Variants in ZNF334 observed in about 807,000 individuals in gnomAD.
ZNF334 encodes the protein zinc finger protein 334.
Under a neutral mutation model 12.4 loss-of-function variants are expected in ZNF334, and 14 were observed. The ratio of observed to expected loss-of-function variants is 1.13; its 90% CI spans 0.74 to 1.76. ZNF334 has a LOEUF of 1.76. ZNF334 is among the 40% of genes most tolerant of loss of function. The probability of loss-of-function intolerance (pLI) is 0.00; values close to 1 mark genes in which losing one functional copy is unlikely to be tolerated. For synonymous variants in ZNF334, 273 were observed against 269.6 expected, an observed-to-expected ratio of 1.01 and a Z score of -0.12; for missense variants, 797 against 804.5, an observed-to-expected ratio of 0.99 and a Z score of 0.11.
At chr20:46,487,781 A>G in the ZNF334 span, among the ~76,000 whole-genome samples, 2 of 152,196 alleles carry the variant, frequency 1.3e-5, no homozygotes, top group Admixed American at 1.3e-4. Flanking sequence ...TTTCTAACCA[A>G]TTGTGTCTCT....
chr20:46,484,857 A>C, the ZNF334 span: 1 of 157,302 alleles, frequency 6.4e-6, no homozygotes, highest in Non-Finnish European at 1.5e-5. Flanking sequence ...GAATGGTTTA[A>C]AATGAAGATG....
the ZNF334 span, among the ~76,000 whole-genome samples, chr20:46,483,669 A>G: frequency 1.3e-5 from 2 of 152,162 alleles, no homozygotes; most frequent in Non-Finnish European, 2.9e-5. Context: ...AAACATTCCC[A>G]TATTTGCATC....
chr20:46,503,833 A>C (rs1381456297), intron 4 of ZNF334, among the ~76,000 whole-genome samples: 2 of 152,222 alleles, frequency 1.3e-5, no homozygotes, highest in Non-Finnish European at 2.9e-5. Flanking sequence ...AGTGACGTAG[A>C]GAAAAATGGA....
At chr20:46,468,661 G>A in the ZNF334 span, among the ~76,000 whole-genome samples, 1 of 152,288 alleles carries the variant, frequency 6.6e-6, no homozygotes, top group East Asian at 1.9e-4. Flanking sequence ...GTAATCTCCA[G>A]GTTGTCAGGC....
At chr20:46,507,838 C>T (rs189456819) in intron 2 of ZNF334, among the ~76,000 whole-genome samples, 1 of 152,340 alleles carries the variant, frequency 6.6e-6, no homozygotes, top group African/African-American at 2.4e-5. Context: ...TTATTTCTTC[C>T]ATGAATTACT....
chr20:46,488,449 C>CTAT, the ZNF334 span, among the ~76,000 whole-genome samples: 1 of 91,376 alleles, frequency 1.1e-5, no homozygotes, highest in African/African-American at 5.3e-5. Context: ...ATATAAATAC[C>CTAT]ATAATTTATC....
At chr20:46,466,774 A>G in the ZNF334 span, among the ~76,000 whole-genome samples, 12 of 152,162 alleles carry the variant, frequency 7.9e-5, no homozygotes, top group African/African-American at 2.4e-4. Context: ...ATGAGCCACT[A>G]CAACTGGCCA....
rs944125932 is a variant in ZNF334, at chr20:46,513,190, G to C, written c.-689C>G. 3 of 152,234 alleles carry C rather than the reference G, an allele frequency of 2.0e-5. No individual in the cohort carries two copies. Among genetic ancestry groups the C allele is most frequent in the African/African-American group, 7.2e-5 (3 of 41,448 alleles). The allele number at this position is 152,234 out of a possible 1,614,324, so 9.4% of individuals were successfully genotyped here. A position where few individuals can be genotyped will look rare whatever the true frequency, so the allele number is the denominator to read the frequency against. On this transcript the variant is annotated 5_prime_UTR_variant, in exon 1 of 5. Transcript: ENST00000692313. ...AGTGCATCAGCAGAAGTTCTGGAAA[G>C]AGGTTCTAGCTACTTGGATGCGTAA...
chr20:46,502,885 C>G lies in ZNF334; in HGVS notation c.454G>C (p.Ala152Pro). Reference sequence around the variant, plus strand: ...TTTCTGTTTTCTTTGCTTTTCTTTGCAACAATTACTTCTGAATTAGTTTTC... The same window carrying G: ...TTTCTGTTTTCTTTGCTTTTCTTTGGAACAATTACTTCTGAATTAGTTTTC... ...SLKTNSEVIVAKKSKENRKIP... is the reference protein window; with the variant it reads ...SLKTNSEVIVPKKSKENRKIP... Residue 152 changes from alanine to proline, a missense_variant, in exon 5 of 5, where the codon GCA (alanine) becomes CCA (proline). Coordinates refer to ENST00000692313, the MANE Select transcript of ZNF334 (RefSeq NM_001353824.2). The G allele has an allele frequency of 6.2e-7, 1 of 1,613,602 alleles. No homozygotes were observed. Among genetic ancestry groups the G allele is most frequent in the Non-Finnish European group, 8.5e-7 (1 of 1,179,862 alleles).
the ZNF334 span, among the ~76,000 whole-genome samples, chr20:46,465,491 A>T: frequency 3.3e-5 from 5 of 152,194 alleles, no homozygotes; most frequent in African/African-American, 1.2e-4. Context: ...TGAGACCAGG[A>T]GTTTGAGACC....
At chr20:46,503,232 T>C in intron 4 of ZNF334, 135 bp from the exon 5 acceptor site, 1 of 1,048,058 alleles carries the variant, frequency 9.5e-7, no homozygotes, top group Non-Finnish European at 1.3e-6. Flanking sequence ...AAATTTCAAG[T>C]GCAAATATCT....
At chr20:46,464,590 G>A in the ZNF334 span, 15 of 411,080 alleles carry the variant, frequency 3.6e-5, no homozygotes, top group Admixed American at 4.6e-4. Context: ...GCATCCATTG[G>A]AGGTAGGACC....
the ZNF334 span, chr20:46,463,870 A>G: frequency 2.3e-6 from 1 of 438,094 alleles, no homozygotes; most frequent in Non-Finnish European, 4.7e-6. Context: ...TCAGCAGGCC[A>G]GTTCACATGC....
chr20:46,484,767 T>C, the ZNF334 span, among the ~76,000 whole-genome samples: 8 of 152,190 alleles, frequency 5.3e-5, no homozygotes, highest in Non-Finnish European at 1.0e-4. Context: ...AAGCTTCCTA[T>C]TCCCCACTGT....
rs760237369 is a variant in ZNF334 at position 46,502,199 on chromosome 20, C to G, written c.1140G>C (p.Lys380Asn). 1.7e-5 allele frequency: 27 copies of G among 1,613,684 alleles called. No homozygotes were observed. The Admixed American group carries it at 4.3e-4, about 26-fold the overall frequency. Residue 380 changes from lysine (K) to asparagine (N), a missense_variant, in exon 5 of 5, where the codon AAG becomes AAC. Transcript: ENST00000692313. ...GACAGAAGAAGGTTTTCCCACATTCCTTACATTCATTTGGCTTCTCTCCTC... is the reference window on the plus strand; with the variant it reads ...GACAGAAGAAGGTTTTCCCACATTCGTTACATTCATTTGGCTTCTCTCCTC... ...THRGEKPNEC[K>N]ECGKTFFCQS...
chr20:46,494,816 C>A (rs1477115065), downstream of ZNF334, among the ~76,000 whole-genome samples: 1 of 152,164 alleles, frequency 6.6e-6, no homozygotes, highest in Non-Finnish European at 1.5e-5. Context: ...TTCTGAAAAG[C>A]CTCATATCCC....
At chr20:46,482,089 G>C in the ZNF334 span, among the ~76,000 whole-genome samples, 1 of 152,182 alleles carries the variant, frequency 6.6e-6, no homozygotes, top group Non-Finnish European at 1.5e-5. Context: ...AAGGAATGCA[G>C]GTGGTTTCTA....
the ZNF334 span, among the ~76,000 whole-genome samples, chr20:46,489,338 T>G: frequency 6.6e-6 from 1 of 152,180 alleles, no homozygotes; most frequent in Non-Finnish European, 1.5e-5. Flanking sequence ...TTTGGCTATG[T>G]AATTTTGCTA....
the ZNF334 span, among the ~76,000 whole-genome samples, chr20:46,478,273 C>T: frequency 6.6e-6 from 1 of 152,052 alleles, no homozygotes; most frequent in Non-Finnish European, 1.5e-5. Flanking sequence ...TTTAGGGACA[C>T]AAAAGACATT....
Sources: gnomAD v4.1 joint callset for allele counts (sites outside exome capture counted in the v4.1 genomes callset) on GRCh38, gnomAD v4.1.1 for gene constraint, MANE v1.5 for transcripts, NCBI Gene and HGNC (gene_info 2026-07-23, HGNC 2026-07-21) for gene names.